Variants in SLC25A21 observed in about 807,000 individuals in gnomAD.
The protein encoded by SLC25A21 is solute carrier family 25 member 21.
In SLC25A21, 47 loss-of-function variants were observed where a neutral mutation model predicts 43.8. The observed-to-expected ratio is 1.07, with a 90% confidence interval of 0.85 to 1.37. The LOEUF (loss-of-function observed/expected upper bound fraction) is 1.37. Ranked by LOEUF, SLC25A21 falls within the 40% of genes most tolerant of loss-of-function variation. The pLI is 0.00. For synonymous variants in SLC25A21, 131 were observed against 121.3 expected (o/e 1.08, Z -0.52); for missense variants, 352 against 350.2 (o/e 1.00, Z -0.04).
chr14:36,798,570 G>A (rs1325529), intron 3 of SLC25A21, among the ~76,000 whole-genome samples: 24,780 of 145,706 alleles, frequency 0.17, 2,267 homozygotes, highest in Middle Eastern at 0.26. Flanking sequence ...TTTTTTTAAT[G>A]TAACTGGTAT....
At chr14:37,167,569 G>T (rs1475547813) in intron 1 of SLC25A21, among the ~76,000 whole-genome samples, 1 of 152,142 alleles carries the variant, frequency 6.6e-6, no homozygotes, top group African/African-American at 2.4e-5. Context: ...TTCTTGCCTG[G>T]AGACTAGACT....
At chr14:36,886,264 C>A (rs1890909064) in intron 1 of SLC25A21, among the ~76,000 whole-genome samples, 1 of 152,174 alleles carries the variant, frequency 6.6e-6, no homozygotes, top group African/African-American at 2.4e-5. Flanking sequence ...AGTTAAGGTG[C>A]ACTACCTTTG....
At chr14:36,688,493 C>T (rs748428201) in intron 7 of SLC25A21, among the ~76,000 whole-genome samples, 10 of 152,170 alleles carry the variant, frequency 6.6e-5, no homozygotes, top group Non-Finnish European at 1.3e-4. Flanking sequence ...TGGGGCTGTC[C>T]CCTCTACCCA....
chr14:37,101,632 T>C (rs572829975), intron 1 of SLC25A21, among the ~76,000 whole-genome samples: 3 of 152,356 alleles, frequency 2.0e-5, no homozygotes, highest in South Asian at 2.1e-4. Flanking sequence ...TTTATAGTCA[T>C]GCAATAAATT....
rs80290041 is a variant in SLC25A21 at position 37,083,776 on chromosome 14, C to T, written c.70+88505G>A. On this transcript the variant is annotated intron_variant, in intron 1 of 9. Transcript: ENST00000331299. The stretch of plus-strand genomic sequence containing the variant: ...GCGGGACCCAGCCATCTATGTTTAA[C>T]CAAGCCCTCCATGTGACTCTTACGC... Among the ~76,000 whole-genome samples the T allele has an allele frequency of 3.1e-3, 479 of 152,278 alleles. 9 individuals carry two copies. Among genetic ancestry groups the T allele is most frequent in the Admixed American group, 0.023 (353 of 15,302 alleles).
chr14:36,759,439 C>T (rs566036808), intron 3 of SLC25A21, among the ~76,000 whole-genome samples: 18 of 152,234 alleles, frequency 1.2e-4, no homozygotes, highest in African/African-American at 4.3e-4. Context: ...CATAGAAATG[C>T]TTATTCTTTT....
chr14:36,720,520 T>C (rs1307750738), intron 6 of SLC25A21, among the ~76,000 whole-genome samples: 2 of 152,254 alleles, frequency 1.3e-5, no homozygotes, highest in African/African-American at 4.8e-5. Context: ...CCTGCTCTGC[T>C]TTTCTTAAAG....
intron 1 of SLC25A21, among the ~76,000 whole-genome samples, chr14:37,048,946 T>C (rs897702203): frequency 2.6e-5 from 4 of 152,194 alleles, no homozygotes; most frequent in Admixed American, 2.0e-4. Context: ...CTAGTTATAC[T>C]CAACTCTGAC....
intron 2 of SLC25A21, among the ~76,000 whole-genome samples, chr14:36,843,114 C>T (rs978434446): frequency 6.6e-6 from 1 of 152,146 alleles, no homozygotes; most frequent in Non-Finnish European, 1.5e-5. Flanking sequence ...TGCTCATTCA[C>T]CTGCTGCTCA....
chr14:37,172,112 C>CGG (rs1424030025), intron 1 of SLC25A21, 169 bp downstream of exon 1: 4 of 684,744 alleles, frequency 5.8e-6, no homozygotes, highest in Non-Finnish European at 9.6e-6. Context: ...AATCAACTCC[C>CGG]GGCCTCCTCT....
At chr14:37,015,177 G>T (rs1401176275) in intron 1 of SLC25A21, among the ~76,000 whole-genome samples, 2 of 146,810 alleles carry the variant, frequency 1.4e-5, no homozygotes, top group African/African-American at 2.5e-5. Context: ...ATCTCCTAAC[G>T]CTATCCCTCC....
chr14:36,918,557 G>A (rs893751176), intron 1 of SLC25A21, among the ~76,000 whole-genome samples: 4 of 152,070 alleles, frequency 2.6e-5, no homozygotes, highest in African/African-American at 9.7e-5. Flanking sequence ...AGAATTGCAG[G>A]ATGAGAAAGC....
intron 1 of SLC25A21, among the ~76,000 whole-genome samples, chr14:37,073,276 A>C (rs1962211399): frequency 6.6e-6 from 1 of 152,192 alleles, no homozygotes; most frequent in Non-Finnish European, 1.5e-5. Flanking sequence ...TTCCTTAGTC[A>C]CTTTTTCACA....
chr14:36,680,176 T>TATTA lies in SLC25A21; in HGVS notation c.*478_*481dup. The TATTA allele has an allele frequency of 1.2e-6, 1 of 833,276 alleles. No individual in the cohort carries two copies. The highest frequency in any genetic ancestry group is 1.3e-4 in the East Asian group (1 of 7,984). 51.6% of individuals were successfully genotyped at this position (833,276 alleles called of 1,614,324 possible). ...AAAAATTTTTCTTGTGCTCTTTAAA[T>TATTA]ATTATTTATGGAATAATTTAATTCA... On this transcript the variant is annotated 3_prime_UTR_variant, in exon 10 of 10. Coordinates refer to ENST00000331299, the MANE Select transcript of SLC25A21 (RefSeq NM_030631.4).
At position 36,771,664 on chromosome 14, in the gene SLC25A21, T is replaced by TA. The variant is rs140757705; in HGVS notation, c.204-37092dup. ...TATAGTTTTAGAACTATATATAGTT[T>TA]ATTAGATTTCCCAGACAAGCAAAAT... On this transcript the variant is annotated intron_variant, in intron 3 of 9. Coordinates refer to ENST00000331299, the MANE Select transcript of SLC25A21 (RefSeq NM_030631.4). Among the ~76,000 whole-genome samples the TA allele has an allele frequency of 1.6e-4, 24 of 152,192 alleles. No individual in the cohort carries two copies. The East Asian group carries it at 4.6e-3, about 29-fold the overall frequency.
intron 7 of SLC25A21, among the ~76,000 whole-genome samples, chr14:36,689,861 A>T (rs967509109): frequency 6.6e-6 from 1 of 152,130 alleles, no homozygotes; most frequent in African/African-American, 2.4e-5. Context: ...TTGATCATTC[A>T]CCCTCTTTGG....
chr14:36,721,769 C>G (rs1473420985), intron 6 of SLC25A21, among the ~76,000 whole-genome samples: 1 of 152,272 alleles, frequency 6.6e-6, no homozygotes, highest in Non-Finnish European at 1.5e-5. Context: ...TTGAGAAGGT[C>G]TTCCCTGAAG....
chr14:36,794,245 T>A (rs1887593228), intron 3 of SLC25A21, among the ~76,000 whole-genome samples: 2 of 152,088 alleles, frequency 1.3e-5, no homozygotes, highest in Non-Finnish European at 2.9e-5. Flanking sequence ...TCCTAGTTAG[T>A]GATGTTCATT....
At chr14:36,757,659 T>A (rs1885987988) in intron 3 of SLC25A21, among the ~76,000 whole-genome samples, 1 of 152,228 alleles carries the variant, frequency 6.6e-6, no homozygotes, top group Admixed American at 6.5e-5. Flanking sequence ...TACAATTTTT[T>A]AAAACTAGTC....
Sources: gnomAD v4.1 joint callset for allele counts (sites outside exome capture counted in the v4.1 genomes callset) on GRCh38, gnomAD v4.1.1 for gene constraint, MANE v1.5 for transcripts, NCBI Gene and HGNC (gene_info 2026-07-23, HGNC 2026-07-21) for gene names.